The following CMTM1 variants were observed in gnomAD, a reference collection of about 807,000 sequenced individuals.
The protein encoded by CMTM1 is CKLF like MARVEL transmembrane domain containing 1.
A neutral mutation model predicts 17.8 loss-of-function variants in CMTM1; 16 were observed. The ratio of observed to expected loss-of-function variants is 0.90; its 90% confidence interval spans 0.61 to 1.37. The LOEUF (loss-of-function observed/expected upper bound fraction) is 1.37. CMTM1 is among the 40% of genes most tolerant of loss of function. The pLI is 0.00. For missense variants in CMTM1, 354 were observed against 375.6 expected, an observed-to-expected ratio of 0.94 and a Z score of 0.47; for synonymous variants, 169 against 154.6, an observed-to-expected ratio of 1.09 and a Z score of -0.69.
At position 66,573,197 on chromosome 16, in the gene CMTM1, C is replaced by T. The variant is rs28478027; in HGVS notation, c.591+3103C>T. ...ACTCACAGAATAAATGTGCCAGCTT[C>T]CACAGCACTGGTTTTACCTGCAGAC... On this transcript the variant is annotated intron_variant, in intron 2 of 3. Transcript: ENST00000379500. Among the ~76,000 whole-genome samples the T allele has an allele frequency of 1.1e-3, 175 of 152,260 alleles. 1 individual carries two copies. Among genetic ancestry groups the T allele is most frequent in the African/African-American group, 4.0e-3 (166 of 41,532 alleles).
chr16:66,566,829 A>T lies in CMTM1; in HGVS notation c.316A>T (p.Asn106Tyr). ...TGCACACACTGAATCCAAACTCTTAAATGAGATGGCGATCAAAGAGCGCGT... is the reference window on the plus strand; with the variant it reads ...TGCACACACTGAATCCAAACTCTTATATGAGATGGCGATCAAAGAGCGCGT... The part of the protein sequence containing the change: ...PSAHTESKLL[N>Y]EMAIKERVEG... Residue 106 changes from asparagine to tyrosine, a missense_variant, in exon 1 of 4, where the codon AAT becomes TAT. Physicochemically the swap from Asn to Tyr is moderately radical, Grantham distance 143. Transcript: ENST00000379500. The surrounding 1 kb of genome is among the most constrained non-coding windows in gnomAD (Gnocchi z 4.9). 1.9e-6 allele frequency: 3 copies of T among 1,613,932 alleles called. No individual in the cohort carries two copies. The highest frequency in any genetic ancestry group is 2.5e-6 in the Non-Finnish European group (3 of 1,179,954).
intron 2 of CMTM1, among the ~76,000 whole-genome samples, chr16:66,571,724 T>C (rs2013572722): frequency 6.6e-6 from 1 of 152,282 alleles, no homozygotes; most frequent in South Asian, 2.1e-4. Flanking sequence ...GACTGATGGC[T>C]CCACAGCACC....
At chr16:66,567,134 T>A in intron 1 of CMTM1, 189 bp downstream of exon 1, 1 of 657,042 alleles carries the variant, frequency 1.5e-6, no homozygotes, top group Non-Finnish European at 2.7e-6. Context: ...TAAACTTGCC[T>A]CTTTTTTTCC....
rs1303617129 is a variant in CMTM1, at chr16:66,578,962, C to T, written c.822C>T (p.Tyr274=). ...ERKLSPAKDA[Y]PETGPDAPQR... ...AGCTTTCCCCCGCCAAGGACGCCTA[C>T]CCCGAAACCGGCCCCGACGCCCCGC... The change falls in exon 4 of 4, where the codon TAC becomes TAT. Residue 274 remains tyrosine, a synonymous_variant. Transcript: ENST00000379500. The T allele has an allele frequency of 1.2e-6, 2 of 1,614,092 alleles. No individual in the cohort carries two copies. Among genetic ancestry groups the T allele is most frequent in the Non-Finnish European group, 8.5e-7 (1 of 1,180,026 alleles).
chr16:66,576,118 C>G (rs565246343), intron 2 of CMTM1, among the ~76,000 whole-genome samples: 1 of 152,086 alleles, frequency 6.6e-6, no homozygotes, highest in Non-Finnish European at 1.5e-5. Context: ...CAGGACTGGC[C>G]GGGCGCGGTG....
chr16:66,566,623 T>G lies in CMTM1; in HGVS notation c.110T>G (p.Val37Gly). The change falls in exon 1 of 4, where the codon GTA (valine) becomes GGA (glycine). Residue 37 changes from valine (V) to glycine (G), a missense_variant. Transcript: ENST00000379500. The surrounding 1 kb of genome is among the most constrained non-coding windows in gnomAD (Gnocchi z 4.9). ...AGTAGCGGCAGCGTAGTGAGTTCTG[T>G]ACCCAAGGCACAGCGCAACATCTCA... ...LASSGSVVSS[V>G]PKAQRNISAK... 6.2e-7 allele frequency: 1 copy of G among 1,614,044 alleles called. No individual in the cohort carries two copies. Among genetic ancestry groups the G allele is most frequent in the Non-Finnish European group, 8.5e-7 (1 of 1,179,998 alleles).
chr16:66,571,192 T>C, intron 2 of CMTM1: 1 of 457,360 alleles, frequency 2.2e-6, no homozygotes. Context: ...ATTGAACATG[T>C]GGAAGACCCT....
rs116013244 is a variant in CMTM1, at chr16:66,578,933, A to G, written c.793A>G (p.Arg265Gly). The G allele has an allele frequency of 1.2e-3, 2,009 of 1,614,166 alleles. 23 individuals carry two copies. In the African/African-American group the frequency reaches 0.024, roughly 20 times the overall value. Residue 265 changes from arginine (R) to glycine (G), a missense_variant, in exon 4 of 4, where the codon AGG (arginine) becomes GGG (glycine). Physicochemically the swap from Arg to Gly is moderately radical, Grantham distance 125. Coordinates refer to ENST00000379500, the MANE Select transcript of CMTM1 (RefSeq NM_052999.4). Reference protein sequence around the residue: ...LKRFLGVEVERKLSPAKDAYP... With the variant: ...LKRFLGVEVEGKLSPAKDAYP... Reference sequence around the variant, plus strand: ...AAGATTCCTGGGAGTCGAAGTTGAAAGGAAGCTTTCCCCCGCCAAGGACGC... The same window carrying G: ...AAGATTCCTGGGAGTCGAAGTTGAAGGGAAGCTTTCCCCCGCCAAGGACGC...
At position 66,571,364 on chromosome 16, in the gene CMTM1, A is replaced by G. The variant is rs988033639; in HGVS notation, c.591+1270A>G. ...ACAACAACCCAGTGAGGTTATGGTC[A>G]CCCCTCACCCCTCATTTAACAGATG... is the stretch of plus-strand genomic sequence containing the variant. On this transcript the variant is annotated intron_variant, in intron 2 of 3. Coordinates refer to ENST00000379500, the MANE Select transcript of CMTM1 (RefSeq NM_052999.4). The G allele has an allele frequency of 1.5e-5, 5 of 342,208 alleles. No individual in the cohort carries two copies. In the East Asian group the frequency reaches 4.0e-4, roughly 27 times the overall value. The allele number at this position is 342,208 out of a possible 1,614,324, so 21.2% of individuals were successfully genotyped here.
Position 66,578,221 on chromosome 16 carries a change from T to A in CMTM1, c.691-610T>A, listed in dbSNP as rs919222226. Among the ~76,000 whole-genome samples, 31 of 152,192 alleles carry A rather than the reference T, an allele frequency of 2.0e-4. 1 individual carries two copies. Among genetic ancestry groups the A allele is most frequent in the Admixed American group, 2.0e-3 (31 of 15,276 alleles). On this transcript the variant is annotated intron_variant, in intron 3 of 3. Coordinates refer to ENST00000379500, the MANE Select transcript of CMTM1 (RefSeq NM_052999.4). ...CCCAGGTATCCATTTCTTACCTGGA[T>A]GGCAGCATCCCACCCCACCACGCAC...
chr16:66,568,566 A>G (rs1244096557), intron 1 of CMTM1, among the ~76,000 whole-genome samples: 1 of 152,176 alleles, frequency 6.6e-6, no homozygotes, highest in Non-Finnish European at 1.5e-5. Context: ...ACCACTAGTC[A>G]TCATAATTAG....
In CMTM1 at chr16:66,579,082, C is replaced by G. The variant is rs1355948708; in HGVS notation, c.*81C>G. 1 of 1,542,216 alleles carries G rather than the reference C, an allele frequency of 6.5e-7. No individual in the cohort carries two copies. Among genetic ancestry groups the G allele is most frequent in the Non-Finnish European group, 8.7e-7 (1 of 1,144,402 alleles). ...CCACCCCCGAGCTCGCATGCTGTCA[C>G]CCATTCCAGCCTAAATGTGACCATA... On this transcript the variant is annotated 3_prime_UTR_variant, in exon 4 of 4. Transcript: ENST00000379500. This position sits in a 1 kb window ranked among gnomAD's most constrained non-coding sequence, Gnocchi z 6.5.
At chr16:66,577,223 C>A in intron 3 of CMTM1, 21 bp downstream of exon 3, 3 of 1,587,924 alleles carry the variant, frequency 1.9e-6, no homozygotes, top group South Asian at 2.2e-5. Context: ...GCCTTCATGA[C>A]TCCATTTAAG....
At chr16:66,578,309 T>G (rs2014509133) in intron 3 of CMTM1, among the ~76,000 whole-genome samples, 1 of 152,122 alleles carries the variant, frequency 6.6e-6, no homozygotes, top group African/African-American at 2.4e-5. Flanking sequence ...CAAGCAGGTT[T>G]TCTGAATCTC....
chr16:66,572,485 AG>A (rs1202712784), intron 2 of CMTM1, among the ~76,000 whole-genome samples: 1 of 152,252 alleles, frequency 6.6e-6, no homozygotes, highest in East Asian at 1.9e-4. Context: ...TAGTTTTGTG[AG>A]GGTATTGGTG....
Position 66,566,660 on chromosome 16 carries a change from A to C in CMTM1, c.147A>C (p.Ala49=). The C allele has an allele frequency of 6.2e-7, 1 of 1,613,626 alleles. No individual in the cohort carries two copies. The highest frequency in any genetic ancestry group is 2.2e-5 in the East Asian group (1 of 44,820). ...AGCGCAACATCTCAGCGAAGACCGC[A>C]CCCCGGAAGCACCCCGCAGTCTCAA... ...KAQRNISAKT[A]PRKHPAVSIR... is the part of the protein sequence containing the mutation. Residue 49 remains alanine, a synonymous_variant, in exon 1 of 4, where the codon GCA becomes GCC. Coordinates refer to ENST00000379500, the MANE Select transcript of CMTM1 (RefSeq NM_052999.4). This position sits in a 1 kb window ranked among gnomAD's most constrained non-coding sequence, Gnocchi z 4.9.
chr16:66,569,154 C>G (rs545663620), intron 1 of CMTM1, among the ~76,000 whole-genome samples: 1 of 152,236 alleles, frequency 6.6e-6, no homozygotes, highest in East Asian at 1.9e-4. Flanking sequence ...TTAAAACTCT[C>G]CTGAGAGATA....
At chr16:66,567,243 G>A (rs2012668996) in intron 1 of CMTM1, 2 of 466,476 alleles carry the variant, frequency 4.3e-6, no homozygotes, top group South Asian at 4.4e-5. Flanking sequence ...GCGCCATGGT[G>A]GTTTGCTGCA....
intron 2 of CMTM1, among the ~76,000 whole-genome samples, chr16:66,574,286 A>G (rs10500538): frequency 0.05 from 7,679 of 152,272 alleles, 317 homozygotes; most frequent in East Asian, 0.12. Context: ...ATTTTAACAC[A>G]GCCATCAGGG....
Sources: allele counts gnomAD v4.1 joint callset (sites outside exome capture counted in the v4.1 genomes callset), GRCh38; gene constraint gnomAD v4.1.1; non-coding constraint Gnocchi (gnomAD v3.1); transcripts MANE v1.5; gene names NCBI Gene and HGNC (gene_info 2026-07-23, HGNC 2026-07-21).